Variants in RGS10 observed in about 807,000 individuals in gnomAD.
The protein encoded by RGS10 is regulator of G-protein signalling 10.
A neutral mutation model predicts 23.5 loss-of-function variants in RGS10; 11 were observed. That is an observed-to-expected ratio of 0.47 (90% confidence interval 0.29 to 0.77). The LOEUF (loss-of-function observed/expected upper bound fraction) is 0.77. Among genes scored for constraint, RGS10 ranks in the 30% least tolerant of loss-of-function variants. The probability of loss-of-function intolerance (pLI) is 0.08; values close to 1 mark genes in which losing one functional copy is unlikely to be tolerated. For missense variants in RGS10, 180 were observed against 226.3 expected (o/e 0.80, Z 1.31); for synonymous variants, 77 against 83.2 (o/e 0.92, Z 0.41).
Position 119,515,513 on chromosome 10 carries a change from T to A in RGS10, c.395A>T (p.Asp132Val). ...CAGGCAGGGAAGTCGGGTTACCTGG[T>A]CCTGGAGTTTCTGGAACATCAGAGG... ...PHPLMFQKLQDQIFNLMKYDS... is the reference protein window; with the variant it reads ...PHPLMFQKLQVQIFNLMKYDS... Residue 132 changes from aspartate to valine, a missense_variant, in exon 4 of 5, where the codon GAC becomes GTC. Asp to Val is a radical substitution (Grantham distance 152). Coordinates refer to ENST00000369103, the MANE Select transcript of RGS10 (RefSeq NM_001005339.2). 6.2e-7 allele frequency: 1 copy of A among 1,614,188 alleles called. No homozygotes were observed. The highest frequency in any genetic ancestry group is 1.1e-5 in the South Asian group (1 of 91,076).
intron 4 of RGS10, among the ~76,000 whole-genome samples, chr10:119,511,773 G>A (rs985146122): frequency 5.9e-5 from 9 of 152,114 alleles, no homozygotes; most frequent in Non-Finnish European, 8.8e-5. Flanking sequence ...ATGGTGCGGC[G>A]TGTGGCAATG....
At chr10:119,521,200 G>A (rs1844209005) in intron 3 of RGS10, among the ~76,000 whole-genome samples, 1 of 151,944 alleles carries the variant, frequency 6.6e-6, no homozygotes, top group Non-Finnish European at 1.5e-5. Flanking sequence ...AAACCCAGGA[G>A]GTCCAGGCTG....
At chr10:119,515,246 T>G (rs1288086022) in intron 4 of RGS10, 4 of 449,322 alleles carry the variant, frequency 8.9e-6, no homozygotes, top group Non-Finnish European at 1.6e-5. Flanking sequence ...CCCTCTAATC[T>G]GGACTGAGAA....
At chr10:119,509,097 T>C (rs1844048617) in intron 4 of RGS10, among the ~76,000 whole-genome samples, 1 of 151,320 alleles carries the variant, frequency 6.6e-6, no homozygotes, top group Non-Finnish European at 1.5e-5. Context: ...GGAGACCCAG[T>C]ATAAAAAAAA....
chr10:119,539,606 C>T (rs1413567174), intron 1 of RGS10, among the ~76,000 whole-genome samples: 3 of 152,314 alleles, frequency 2.0e-5, no homozygotes, highest in African/African-American at 7.2e-5. Context: ...GCCCCACCTA[C>T]AGTCCCCAAC....
At chr10:119,519,510 C>T (rs1174594915) in intron 3 of RGS10, among the ~76,000 whole-genome samples, 32 of 108,634 alleles carry the variant, frequency 2.9e-4, no homozygotes, top group African/African-American at 1.1e-3. Flanking sequence ...CTCCTGTCTC[C>T]CTGTCTGTCC....
chr10:119,523,640 G>A (rs1015187773), intron 3 of RGS10, among the ~76,000 whole-genome samples: 1 of 152,160 alleles, frequency 6.6e-6, no homozygotes, highest in African/African-American at 2.4e-5. Context: ...ACTCCAGCCT[G>A]GGCAACAGAG....
chr10:119,500,813 G>A (rs1380626698), intron 4 of RGS10, among the ~76,000 whole-genome samples: 1 of 151,712 alleles, frequency 6.6e-6, no homozygotes, highest in Non-Finnish European at 1.5e-5. Context: ...TCTTAGCAAG[G>A]GAACAGGTCC....
intron 1 of RGS10, among the ~76,000 whole-genome samples, chr10:119,539,362 G>A (rs1045590155): frequency 2.0e-5 from 3 of 152,244 alleles, no homozygotes; most frequent in South Asian, 2.1e-4. Flanking sequence ...TGACAGGCCC[G>A]AGGGGACGGC....
chr10:119,541,553 A>T (rs907655724), intron 1 of RGS10, among the ~76,000 whole-genome samples: 1 of 152,168 alleles, frequency 6.6e-6, no homozygotes, highest in Non-Finnish European at 1.5e-5. Context: ...GGATCCAGCC[A>T]GTCTGGTCCC....
rs142218314 is a variant in RGS10, at chr10:119,505,692, C to G, written c.400-5433G>C. Reference sequence around the variant, plus strand: ...GTGCCGCTCCAGGAAAGGACGTCCCCCTGACGCATACTCATCTGTGCAGAA... The same window carrying G: ...GTGCCGCTCCAGGAAAGGACGTCCCGCTGACGCATACTCATCTGTGCAGAA... On this transcript the variant is annotated intron_variant, in intron 4 of 4. Transcript: ENST00000369103. 4.6e-5 allele frequency among the ~76,000 whole-genome samples: 7 copies of G among 152,284 alleles called. No homozygotes were observed. In the East Asian group the frequency reaches 1.4e-3, roughly 29 times the overall value.
chr10:119,528,670 C>T (rs1844303760), intron 1 of RGS10, among the ~76,000 whole-genome samples: 1 of 151,758 alleles, frequency 6.6e-6, no homozygotes, highest in African/African-American at 2.4e-5. Context: ...CTCATCTCTA[C>T]TAAAAATATA....
chr10:119,514,927 G>A (rs989157083), intron 4 of RGS10, among the ~76,000 whole-genome samples: 2 of 152,132 alleles, frequency 1.3e-5, no homozygotes, highest in African/African-American at 4.8e-5. Context: ...CCTTCCGACT[G>A]GCTCAAATTC....
At chr10:119,531,975 T>C (rs1844333032) in intron 1 of RGS10, among the ~76,000 whole-genome samples, 1 of 152,190 alleles carries the variant, frequency 6.6e-6, no homozygotes, top group Non-Finnish European at 1.5e-5. Context: ...TTTATAGCCA[T>C]GGGTATTGGT....
chr10:119,521,518 C>T (rs1198061641), intron 3 of RGS10, among the ~76,000 whole-genome samples: 1 of 148,540 alleles, frequency 6.7e-6, no homozygotes. Flanking sequence ...TGCAGTGAGC[C>T]GAGATCATGC....
chr10:119,530,365 T>C (rs776332858), intron 1 of RGS10, among the ~76,000 whole-genome samples: 61 of 152,172 alleles, frequency 4.0e-4, no homozygotes, highest in Non-Finnish European at 7.8e-4. Context: ...ACCAGGATTT[T>C]AGACATTCAC....
At chr10:119,504,096 T>C (rs2133944413) in intron 4 of RGS10, among the ~76,000 whole-genome samples, 1 of 152,364 alleles carries the variant, frequency 6.6e-6, no homozygotes, top group Admixed American at 6.5e-5. Flanking sequence ...GAGAGTAACA[T>C]GGAAAACTGC....
At chr10:119,532,399 A>G (rs1844340665) in intron 1 of RGS10, among the ~76,000 whole-genome samples, 1 of 152,158 alleles carries the variant, frequency 6.6e-6, no homozygotes, top group Non-Finnish European at 1.5e-5. Flanking sequence ...ACACTAAGTA[A>G]TGAATTCCTA....
Position 119,517,240 on chromosome 10 carries a change from G to A in RGS10, c.256-1588C>T, listed in dbSNP as rs1844154360. 6.6e-6 allele frequency among the ~76,000 whole-genome samples: 1 copy of A among 152,258 alleles called. No homozygotes were observed. Among genetic ancestry groups the A allele is most frequent in the African/African-American group, 2.4e-5 (1 of 41,466 alleles). On this transcript the variant is annotated intron_variant, in intron 3 of 4. Coordinates refer to ENST00000369103, the MANE Select transcript of RGS10 (RefSeq NM_001005339.2). The surrounding 1 kb of genome is among the most constrained non-coding windows in gnomAD (Gnocchi z 5.0). ...CCACGGCCTGGCCATGTCCTGTTCT[G>A]CGAGAAAGCAAGCCTCACCAGCACT...
Sources: gnomAD v4.1 joint callset for allele counts (sites outside exome capture counted in the v4.1 genomes callset) on GRCh38, gnomAD v4.1.1 for gene constraint, Gnocchi (gnomAD v3.1) non-coding constraint, MANE v1.5 for transcripts, NCBI Gene and HGNC (gene_info 2026-07-23, HGNC 2026-07-21) for gene names.